Variants in OR2V2 observed in about 807,000 individuals in gnomAD.
The protein encoded by OR2V2 is olfactory receptor 2V2.
For synonymous variants in OR2V2, 161 were observed against 151.3 expected (o/e 1.06, Z -0.47); for missense variants, 392 against 392.2 (o/e 1.00, Z 0.00).
At position 181,155,825 on chromosome 5, in the gene OR2V2, A is replaced by G. The variant is rs748734955; in HGVS notation, c.883A>G (p.Asn295Asp). 3 of 1,614,030 alleles carry G rather than the reference A, an allele frequency of 1.9e-6. No individual in the cohort carries two copies. The African/African-American group carries it at 4.0e-5, about 22-fold the overall frequency. The change falls in exon 2 of 2, where the codon AAC becomes GAC. Residue 295 changes from asparagine to aspartate, a missense_variant. Physicochemically the swap from Asn to Asp is conservative, Grantham distance 23. Transcript: ENST00000641492. ...MLNPLIYSLRNREVMGALRKG... is the reference protein window; with the variant it reads ...MLNPLIYSLRDREVMGALRKG... ...CAACCCCCTCATTTACAGCTTGAGG[A>G]ACAGGGAGGTGATGGGGGCACTGAG...
At chr5:181,151,307 G>A (rs2770960) in intron 1 of OR2V2, among the ~76,000 whole-genome samples, 58,305 of 152,070 alleles carry the variant, frequency 0.38, 14,796 homozygotes, top group African/African-American at 0.73. Flanking sequence ...CTGGAAGGGC[G>A]TTGGCCCTTG....
At chr5:181,151,876 T>C (rs983357218) in intron 1 of OR2V2, among the ~76,000 whole-genome samples, 1 of 150,754 alleles carries the variant, frequency 6.6e-6, no homozygotes, top group Non-Finnish European at 1.5e-5. Flanking sequence ...TACCAGCCAC[T>C]CAGGAGGCTG....
intron 1 of OR2V2, among the ~76,000 whole-genome samples, chr5:181,148,214 C>CCT (rs1468571662): frequency 6.6e-6 from 1 of 152,168 alleles, no homozygotes; most frequent in Non-Finnish European, 1.5e-5. Flanking sequence ...GACCCACTTC[C>CCT]CTCTCTCGAT....
chr5:181,153,563 G>A lies in OR2V2; in HGVS notation c.-24-1356G>A, dbSNP rs1158010837. Among the ~76,000 whole-genome samples the A allele has an allele frequency of 2.0e-5, 3 of 152,102 alleles. 1 individual carries two copies. Among genetic ancestry groups the A allele is most frequent in the East Asian group, 1.9e-4 (1 of 5,176 alleles). ...AAAAGTTAGCCTGGCATGGTGGCAGGCACCTATGGGAGGCTGAGGTGACAG... is the reference window on the plus strand; with the variant it reads ...AAAAGTTAGCCTGGCATGGTGGCAGACACCTATGGGAGGCTGAGGTGACAG... On this transcript the variant is annotated intron_variant, in intron 1 of 1. Transcript: ENST00000641492.
intron 1 of OR2V2, among the ~76,000 whole-genome samples, chr5:181,153,905 C>T (rs779868882): frequency 1.3e-5 from 2 of 152,202 alleles, no homozygotes; most frequent in Non-Finnish European, 2.9e-5. Flanking sequence ...CCAGCCTCTT[C>T]TACTGAAGCC....
chr5:181,155,905 G>T lies in OR2V2; in HGVS notation c.*15G>T, dbSNP rs373594465. ...GCCAGCACTGAACCCAGGGCATCCA[G>T]TGCCTGGCTCTGCCATCTCTTAGCT... is the stretch of plus-strand genomic sequence containing the variant. On this transcript the variant is annotated 3_prime_UTR_variant, in exon 2 of 2. Transcript: ENST00000641492. 6.9e-6 allele frequency: 11 copies of T among 1,597,452 alleles called. No homozygotes were observed. In the African/African-American group the frequency reaches 1.3e-4, roughly 19 times the overall value.
In OR2V2 at chr5:181,159,119, G is replaced by A. The variant is rs539044299; in HGVS notation, c.*3229G>A. The A allele has an allele frequency of 4.1e-4, 62 of 152,200 alleles. No individual in the cohort carries two copies. Among genetic ancestry groups the A allele is most frequent in the African/African-American group, 1.4e-3 (57 of 41,508 alleles). The allele number at this position is 152,200 out of a possible 1,614,324, so 9.4% of individuals were successfully genotyped here. A position where few individuals can be genotyped will look rare whatever the true frequency, so the allele number is the denominator to read the frequency against. ...TACAGATTAGAAATGTTCCATTTCA[G>A]CTGGACAGGGTTTCTCATGTCTGTA... On this transcript the variant is annotated 3_prime_UTR_variant, in exon 2 of 2. Transcript: ENST00000641492.
rs141798590 is a variant in OR2V2 at position 181,149,017 on chromosome 5, C to T, written c.-25+1022C>T. Among the ~76,000 whole-genome samples the T allele has an allele frequency of 4.7e-3, 714 of 152,328 alleles. 2 individuals carry two copies. The highest frequency in any genetic ancestry group is 7.5e-3 in the South Asian group (36 of 4,830). ...GAAGGAAAGGAGGTCTGGGTGATGA[C>T]GGATGGCCTGCGGATGAGGTCTTGC... On this transcript the variant is annotated intron_variant, in intron 1 of 1. Coordinates refer to ENST00000641492, the MANE Select transcript of OR2V2 (RefSeq NM_206880.2).
chr5:181,154,360 C>T (rs918956176), intron 1 of OR2V2, among the ~76,000 whole-genome samples: 34 of 152,154 alleles, frequency 2.2e-4, no homozygotes, highest in Admixed American at 1.9e-3. Flanking sequence ...GAGGCCGAGG[C>T]GGGTGGATCA....
rs1329565004 is a variant in OR2V2 at position 181,156,413 on chromosome 5, C to T, written c.*523C>T. The stretch of plus-strand genomic sequence containing the variant: ...GTGAGCCACCACGCACAGCCAACAT[C>T]AGTACTTTTTATCTGATGAAGAAAC... On this transcript the variant is annotated 3_prime_UTR_variant, in exon 2 of 2. Transcript: ENST00000641492. 1 of 153,288 alleles carries T rather than the reference C, an allele frequency of 6.5e-6. No individual in the cohort carries two copies. The highest frequency in any genetic ancestry group is 1.5e-5 in the Non-Finnish European group (1 of 68,858). 9.5% of individuals were successfully genotyped at this position (153,288 alleles called of 1,614,324 possible).
At position 181,154,946 on chromosome 5, in the gene OR2V2, G is replaced by T; in HGVS notation, c.4G>T (p.Glu2Ter). 6.2e-7 allele frequency: 1 copy of T among 1,611,032 alleles called. No individual in the cohort carries two copies. The highest frequency in any genetic ancestry group is 1.1e-5 in the South Asian group (1 of 91,034). ...GACCAGGAGCAACAACCGAGCCATG[G>T]AGACGTGGGTGAACCAGTCCTACAC... M[E>*]TWVNQSYTDG... is the part of the protein sequence containing the mutation. Residue 2 changes from glutamate to a stop codon, truncating the protein, a stop_gained, in exon 2 of 2, where the codon GAG becomes TAG. Transcript: ENST00000641492. LOFTEE classifies it low-confidence loss of function (END_TRUNC).
At chr5:181,152,866 G>A (rs1763209416) in intron 1 of OR2V2, among the ~76,000 whole-genome samples, 1 of 152,258 alleles carries the variant, frequency 6.6e-6, no homozygotes, top group African/African-American at 2.4e-5. Context: ...GAGGCACCCA[G>A]ATGAGCTTCA....
In OR2V2 at chr5:181,150,843, G is replaced by A. The variant is rs765892839; in HGVS notation, c.-25+2848G>A. ...AATTAAAAAATTAGCCGAGCACGAT[G>A]GTGCGCACTTGTGGTCCCAGCTACT... On this transcript the variant is annotated intron_variant, in intron 1 of 1. Transcript: ENST00000641492. Among the ~76,000 whole-genome samples the A allele has an allele frequency of 1.3e-3, 202 of 152,228 alleles. 2 individuals carry two copies. The highest frequency in any genetic ancestry group is 3.4e-3 in the Middle Eastern group (1 of 294).
chr5:181,149,500 A>G (rs1763166269), intron 1 of OR2V2, among the ~76,000 whole-genome samples: 1 of 152,228 alleles, frequency 6.6e-6, no homozygotes, highest in Non-Finnish European at 1.5e-5. Context: ...GGGTGTAAGA[A>G]TCTGAGTTCA....
intron 1 of OR2V2, among the ~76,000 whole-genome samples, chr5:181,150,942 G>A (rs942145971): frequency 2.6e-4 from 39 of 152,230 alleles, no homozygotes; most frequent in African/African-American, 8.9e-4. Context: ...CTGCACCACC[G>A]CACCCCACCC....
chr5:181,153,466 C>T lies in OR2V2; in HGVS notation c.-24-1453C>T, dbSNP rs561406407. 8.6e-4 allele frequency among the ~76,000 whole-genome samples: 131 copies of T among 152,168 alleles called. 1 individual carries two copies. The highest frequency in any genetic ancestry group is 2.7e-3 in the African/African-American group (113 of 41,492). On this transcript the variant is annotated intron_variant, in intron 1 of 1. Transcript: ENST00000641492. ...CTTTGGGAGGCCACGTCAGGCGGAT[C>T]GCTTGGGCTCAGGAGCTCGAGACCA...
rs1763301560 is a variant in OR2V2 at position 181,159,128 on chromosome 5, G to C, written c.*3238G>C. ...GAAATGTTCCATTTCAGCTGGACAG[G>C]GTTTCTCATGTCTGTAATCCCAGCA... On this transcript the variant is annotated 3_prime_UTR_variant, in exon 2 of 2. Transcript: ENST00000641492. 1 of 152,086 alleles carries C rather than the reference G, an allele frequency of 6.6e-6. No homozygotes were observed. The highest frequency in any genetic ancestry group is 1.5e-5 in the Non-Finnish European group (1 of 68,052). 9.4% of individuals were successfully genotyped at this position (152,086 alleles called of 1,614,324 possible).
intron 1 of OR2V2, among the ~76,000 whole-genome samples, chr5:181,148,825 A>C (rs1763158427): frequency 6.6e-6 from 1 of 152,222 alleles, no homozygotes; most frequent in South Asian, 2.1e-4. Flanking sequence ...CAAGAAGGCG[A>C]GGAGGAGGTG....
At position 181,156,039 on chromosome 5, in the gene OR2V2, G is replaced by GTTCTTTCTTTCTTTCTTTCTTTCTTTC. The variant is rs1763260633; in HGVS notation, c.*152_*178dup. Reference sequence around the variant, plus strand: ...GAAGGTCTTTTTAAACACTACATCAGTTCTTTCTTTCTTTCTTTCTTTCTT... The same window carrying GTTCTTTCTTTCTTTCTTTCTTTCTTTC: ...GAAGGTCTTTTTAAACACTACATCAGTTCTTTCTTTCTTTCTTTCTTTCTTTCTTCTTTCTTTCTTTCTTTCTTTCTT... On this transcript the variant is annotated 3_prime_UTR_variant, in exon 2 of 2. Coordinates refer to ENST00000641492, the MANE Select transcript of OR2V2 (RefSeq NM_206880.2). 1 of 487,444 alleles carries GTTCTTTCTTTCTTTCTTTCTTTCTTTC rather than the reference G, an allele frequency of 2.1e-6. No individual in the cohort carries two copies. Among genetic ancestry groups the GTTCTTTCTTTCTTTCTTTCTTTCTTTC allele is most frequent in the African/African-American group, 2.1e-5 (1 of 48,340 alleles). The allele number at this position is 487,444 out of a possible 1,614,324, so 30.2% of individuals were successfully genotyped here.
Sources: gnomAD v4.1 joint callset for allele counts (sites outside exome capture counted in the v4.1 genomes callset) on GRCh38, gnomAD v4.1.1 for gene constraint, MANE v1.5 for transcripts, NCBI Gene and HGNC (gene_info 2026-07-23, HGNC 2026-07-21) for gene names.